The following WWOX variants were observed in gnomAD, a reference collection of about 807,000 sequenced individuals.
WWOX encodes WW domain containing oxidoreductase.
Under a neutral mutation model 46.2 loss-of-function variants are expected in WWOX, and 69 were observed. That is an observed-to-expected ratio of 1.49 (90% CI 1.23 to 1.82). WWOX has a LOEUF of 1.82. Among genes scored for constraint, WWOX ranks in the 40% most tolerant of loss-of-function variants. The pLI is 0.00. For synonymous variants in WWOX, 359 were observed against 202.6 expected (o/e 1.77, Z -6.56); for missense variants, 919 against 542.6 (o/e 1.69, Z -6.89).
At chr16:78,915,716 A>C (rs34026040) in intron 8 of WWOX, among the ~76,000 whole-genome samples, 1 of 151,954 alleles carries the variant, frequency 6.6e-6, no homozygotes, top group Non-Finnish European at 1.5e-5. Context: ...AAATTGCACC[A>C]GTTCTCATCC....
At chr16:78,951,434 G>A (rs2046057660) in intron 8 of WWOX, among the ~76,000 whole-genome samples, 1 of 152,080 alleles carries the variant, frequency 6.6e-6, no homozygotes, top group African/African-American at 2.4e-5. Context: ...TCTGGACCTG[G>A]AATAAAGACC....
chr16:78,802,947 A>AAAAAAAG (rs2050934196), intron 8 of WWOX, among the ~76,000 whole-genome samples: 1 of 23,404 alleles, frequency 4.3e-5, no homozygotes, highest in Non-Finnish European at 1.3e-4. Context: ...AAAAAACAAC[A>AAAAAAAG]AACAGAAAAA....
chr16:78,840,212 T>A (rs1387101870), intron 8 of WWOX, among the ~76,000 whole-genome samples: 1 of 152,192 alleles, frequency 6.6e-6, no homozygotes, highest in Admixed American at 6.6e-5. Context: ...ATAAAATAAT[T>A]ACCATCACTA....
chr16:79,178,975 C>T (rs16949791), intron 8 of WWOX, among the ~76,000 whole-genome samples: 3 of 152,152 alleles, frequency 2.0e-5, no homozygotes, highest in Non-Finnish European at 4.4e-5. Flanking sequence ...GTGAGTTTAT[C>T]ATACTCCTGC....
intron 8 of WWOX, among the ~76,000 whole-genome samples, chr16:79,033,571 A>G (rs2047807965): frequency 6.6e-6 from 1 of 152,024 alleles, no homozygotes; most frequent in South Asian, 2.1e-4. Context: ...CCCTTTATCA[A>G]CATCATGTTA....
chr16:79,161,961 C>T (rs2050495094), intron 8 of WWOX, among the ~76,000 whole-genome samples: 1 of 152,226 alleles, frequency 6.6e-6, no homozygotes, highest in African/African-American at 2.4e-5. Context: ...TAGGAATCCA[C>T]CTACACAGAG....
intron 8 of WWOX, among the ~76,000 whole-genome samples, chr16:78,499,713 TA>T (rs1297373725): frequency 1.3e-5 from 2 of 152,210 alleles, no homozygotes; most frequent in African/African-American, 4.8e-5. Context: ...TTATTTTTTT[TA>T]ATCTGTAGCT....
intron 8 of WWOX, among the ~76,000 whole-genome samples, chr16:78,943,598 G>C (rs986505008): frequency 2.0e-5 from 3 of 152,180 alleles, no homozygotes; most frequent in Admixed American, 2.0e-4. Flanking sequence ...AAACAAAATA[G>C]AGGGCGATGG....
chr16:78,298,740 A>G (rs2079986098), intron 5 of WWOX, among the ~76,000 whole-genome samples: 1 of 151,744 alleles, frequency 6.6e-6, no homozygotes, highest in Admixed American at 6.6e-5. Flanking sequence ...GTGGTGAGCC[A>G]AGATCGCACC....
At chr16:78,743,594 C>A (rs571151961) in intron 8 of WWOX, among the ~76,000 whole-genome samples, 4 of 152,234 alleles carry the variant, frequency 2.6e-5, no homozygotes, top group Admixed American at 1.3e-4. Context: ...TATAAAAGGA[C>A]CAGAGGCTAC....
At chr16:78,781,892 A>G (rs538258655) in intron 8 of WWOX, among the ~76,000 whole-genome samples, 47 of 152,338 alleles carry the variant, frequency 3.1e-4, no homozygotes, top group African/African-American at 4.6e-4. Flanking sequence ...GCTCCATGCA[A>G]TGTTCACAGG....
intron 8 of WWOX, among the ~76,000 whole-genome samples, chr16:78,474,671 C>T (rs1387805436): frequency 6.6e-6 from 1 of 152,042 alleles, no homozygotes; most frequent in Non-Finnish European, 1.5e-5. Context: ...CAACCATTGC[C>T]ACAGTCAGTT....
intron 8 of WWOX, among the ~76,000 whole-genome samples, chr16:78,998,380 A>C: frequency 6.6e-6 from 1 of 152,186 alleles, no homozygotes; most frequent in South Asian, 2.1e-4. Flanking sequence ...ACTCGGGCCC[A>C]GAGCAGAGCC....
intron 8 of WWOX, among the ~76,000 whole-genome samples, chr16:78,874,325 G>T (rs983092717): frequency 6.6e-6 from 1 of 151,766 alleles, no homozygotes; most frequent in African/African-American, 2.4e-5. Flanking sequence ...GTTGAATAGA[G>T]AGCTGCATCC....
At chr16:78,802,213 T>G (rs2142658909) in intron 8 of WWOX, among the ~76,000 whole-genome samples, 1 of 149,734 alleles carries the variant, frequency 6.7e-6, no homozygotes, top group South Asian at 2.1e-4. Context: ...TTTTTTTTTT[T>G]TTTTTTTTTT....
At chr16:78,556,298 A>T in intron 8 of WWOX, among the ~76,000 whole-genome samples, 1 of 151,822 alleles carries the variant, frequency 6.6e-6, no homozygotes, top group African/African-American at 2.4e-5. Flanking sequence ...ACACAGAGAC[A>T]TGGAGACAGT....
chr16:78,993,466 GT>G (rs2046928081), intron 8 of WWOX, among the ~76,000 whole-genome samples: 1 of 152,278 alleles, frequency 6.6e-6, no homozygotes, highest in African/African-American at 2.4e-5. Context: ...AGTAATTATA[GT>G]TAAGCAGGGC....
chr16:78,831,780 A>C (rs62036184), intron 8 of WWOX, among the ~76,000 whole-genome samples: 13,424 of 152,292 alleles, frequency 0.088, 750 homozygotes, highest in East Asian at 0.19. Flanking sequence ...TATGACCTCC[A>C]GAAGCTTTTA....
intron 8 of WWOX, among the ~76,000 whole-genome samples, chr16:79,134,144 G>A (rs2049937373): frequency 6.6e-6 from 1 of 151,580 alleles, no homozygotes; most frequent in African/African-American, 2.4e-5. Flanking sequence ...GCTATTCTCA[G>A]TGGAGGGAAT....
Sources: gnomAD v4.1 joint callset for allele counts (sites outside exome capture counted in the v4.1 genomes callset) on GRCh38, gnomAD v4.1.1 for gene constraint, MANE v1.5 for transcripts, NCBI Gene and HGNC (gene_info 2026-07-23, HGNC 2026-07-21) for gene names.